AKR1A1: variants seen among roughly 807,000 people sequenced by gnomAD.
AKR1A1 encodes the protein aldo-keto reductase family 1 member A1.
Under a neutral mutation model 39.2 loss-of-function variants are expected in AKR1A1, and 26 were observed. The observed-to-expected ratio is 0.66, with a 90% CI of 0.49 to 0.92. AKR1A1 has a LOEUF of 0.92. AKR1A1 is among the 40% of genes least tolerant of loss of function. The pLI, the probability that AKR1A1 is intolerant of heterozygous loss-of-function variation, is 0.00. For missense variants in AKR1A1, 378 were observed against 406.5 expected (o/e 0.93, Z 0.60); for synonymous variants, 141 against 155.5 (o/e 0.91, Z 0.69).
At chr1:45,569,692 G>C (rs1644390001) in intron 8 of AKR1A1, among the ~76,000 whole-genome samples, 199 bp from the exon 9 acceptor site, 1 of 152,202 alleles carries the variant, frequency 6.6e-6, no homozygotes, top group Admixed American at 6.5e-5. Flanking sequence ...GGCAGGGGTA[G>C]CTACATATCA....
intron 3 of AKR1A1, 31 bp downstream of exon 3, chr1:45,566,719 A>T: frequency 6.2e-7 from 1 of 1,612,040 alleles, no homozygotes; most frequent in Non-Finnish European, 8.5e-7. Flanking sequence ...TAGAGGTGGG[A>T]TAAGAGAACT....
intron 1 of AKR1A1, among the ~76,000 whole-genome samples, chr1:45,558,776 C>T (rs902787733): frequency 2.0e-5 from 3 of 152,152 alleles, no homozygotes; most frequent in Non-Finnish European, 2.9e-5. Context: ...GGTGATCCGT[C>T]GCATCGGCCT....
At chr1:45,553,704 A>C (rs1393800097) in intron 1 of AKR1A1, among the ~76,000 whole-genome samples, 1 of 151,814 alleles carries the variant, frequency 6.6e-6, no homozygotes, top group Non-Finnish European at 1.5e-5. Flanking sequence ...TTCTAGAAGT[A>C]TAGGAGAGGC....
chr1:45,556,093 G>A (rs997195676), intron 1 of AKR1A1, among the ~76,000 whole-genome samples: 1 of 152,178 alleles, frequency 6.6e-6, no homozygotes, highest in Non-Finnish European at 1.5e-5. Context: ...AAACACTCAT[G>A]TAGATATTGT....
At chr1:45,562,882 C>T (rs1342373819) in intron 2 of AKR1A1, among the ~76,000 whole-genome samples, 6 of 149,940 alleles carry the variant, frequency 4.0e-5, no homozygotes, top group South Asian at 2.1e-4. Flanking sequence ...CACTTTGGGA[C>T]GCCAAGGCAG....
At chr1:45,567,628 T>C (rs2088101) in intron 4 of AKR1A1, 84,767 of 162,942 alleles carry the variant, frequency 0.52, 22,369 homozygotes, top group East Asian at 0.64. Flanking sequence ...GAGATCGAGA[T>C]CATCCTGGCT....
chr1:45,561,385 A>G (rs1644275333), intron 1 of AKR1A1, among the ~76,000 whole-genome samples: 1 of 126,974 alleles, frequency 7.9e-6, no homozygotes, highest in African/African-American at 3.1e-5. Context: ...TGTCCTACAC[A>G]TCTGTCCCCT....
At chr1:45,551,979 T>TTGTATATA (rs1644136485) in intron 1 of AKR1A1, among the ~76,000 whole-genome samples, 1 of 146,424 alleles carries the variant, frequency 6.8e-6, no homozygotes, top group Non-Finnish European at 1.5e-5. Flanking sequence ...ATTGTGTACA[T>TTGTATATA]TGTATGTATG....
At chr1:45,565,422 G>A (rs1308701219) in intron 2 of AKR1A1, among the ~76,000 whole-genome samples, 5 of 151,336 alleles carry the variant, frequency 3.3e-5, no homozygotes, top group African/African-American at 9.7e-5. Context: ...GAGCCACCGC[G>A]CCTGGCTTTT....
At chr1:45,553,744 AG>A (rs1644164007) in intron 1 of AKR1A1, among the ~76,000 whole-genome samples, 1 of 152,114 alleles carries the variant, frequency 6.6e-6, no homozygotes, top group Non-Finnish European at 1.5e-5. Context: ...CTGTAATCCC[AG>A]CACTTTGGGA....
intron 1 of AKR1A1, among the ~76,000 whole-genome samples, chr1:45,560,617 G>T (rs116618594): frequency 0.012 from 1,804 of 152,158 alleles, 30 homozygotes; most frequent in African/African-American, 0.038. Flanking sequence ...GTCTAAAAAA[G>T]AGTTCCTTTT....
chr1:45,555,424 T>G (rs1045860853), intron 1 of AKR1A1, among the ~76,000 whole-genome samples: 5 of 152,054 alleles, frequency 3.3e-5, no homozygotes, highest in Non-Finnish European at 4.4e-5. Flanking sequence ...GAGGCGGAGG[T>G]TGCGGTGAGC....
intron 1 of AKR1A1, among the ~76,000 whole-genome samples, chr1:45,560,899 T>C (rs1644269145): frequency 6.6e-6 from 1 of 152,052 alleles, no homozygotes; most frequent in Admixed American, 6.5e-5. Context: ...GGCTAATTTT[T>C]TGTATTTTTA....
intron 2 of AKR1A1, 71 bp from the exon 3 acceptor site, chr1:45,566,498 T>C: frequency 6.3e-7 from 1 of 1,590,790 alleles, no homozygotes; most frequent in Admixed American, 1.7e-5. Flanking sequence ...CCCCCAGCAT[T>C]GACCTTGGGG....
Position 45,551,137 on chromosome 1 carries a change from G to T in AKR1A1, c.-25G>T, listed in dbSNP as rs1446359700. Reference sequence around the variant, plus strand: ...GCCCAGGCCACAGTACCCTATTCACGCTCTGTGCTTGTGCCAAGGTGAGTT... The same window carrying T: ...GCCCAGGCCACAGTACCCTATTCACTCTCTGTGCTTGTGCCAAGGTGAGTT... On this transcript the variant is annotated 5_prime_UTR_variant, in exon 1 of 9. Coordinates refer to ENST00000351829, the MANE Select transcript of AKR1A1 (RefSeq NM_153326.3). 6.6e-6 allele frequency: 1 copy of T among 152,260 alleles called. No individual in the cohort carries two copies. Among genetic ancestry groups the T allele is most frequent in the African/African-American group, 2.4e-5 (1 of 41,458 alleles). 9.4% of individuals were successfully genotyped at this position (152,260 alleles called of 1,614,324 possible). A position where few individuals can be genotyped will look rare whatever the true frequency, so the allele number is the denominator to read the frequency against.
intron 6 of AKR1A1, 75 bp downstream of exon 6, chr1:45,568,759 G>T: frequency 6.3e-7 from 1 of 1,575,704 alleles, no homozygotes; most frequent in Non-Finnish European, 8.7e-7. Context: ...CAGTGTCTGG[G>T]TGAGGCTGAG....
In AKR1A1 at chr1:45,564,861, C is replaced by T. The variant is rs538527054; in HGVS notation, c.85-1708C>T. Reference sequence around the variant, plus strand: ...TTTTTGAGATGGAGTCTTGCTCTGTCGCCCAGGCTGGAGTGCAGTGGCGCA... The same window carrying T: ...TTTTTGAGATGGAGTCTTGCTCTGTTGCCCAGGCTGGAGTGCAGTGGCGCA... On this transcript the variant is annotated intron_variant, in intron 2 of 8. Transcript: ENST00000351829. Among the ~76,000 whole-genome samples, 6 of 151,528 alleles carry T rather than the reference C, an allele frequency of 4.0e-5. No individual in the cohort carries two copies. The South Asian group carries it at 1.3e-3, about 32-fold the overall frequency.
At chr1:45,569,823 G>A in intron 8 of AKR1A1, 68 bp from the exon 9 acceptor site, 1 of 1,412,492 alleles carries the variant, frequency 7.1e-7, no homozygotes, top group Non-Finnish European at 1.0e-6. Flanking sequence ...AAGATTTGGG[G>A]AAGATGCCTG....
chr1:45,558,394 AAT>A (rs1644235427), intron 1 of AKR1A1, among the ~76,000 whole-genome samples: 1 of 133,498 alleles, frequency 7.5e-6, no homozygotes, highest in African/African-American at 2.9e-5. Flanking sequence ...ACGCCCAGCT[AAT>A]TTTTTTTTTT....
Sources: gnomAD v4.1 joint callset for allele counts (sites outside exome capture counted in the v4.1 genomes callset) on GRCh38, gnomAD v4.1.1 for gene constraint, MANE v1.5 for transcripts, NCBI Gene and HGNC (gene_info 2026-07-23, HGNC 2026-07-21) for gene names.